Variants in NFYB observed in about 807,000 individuals in gnomAD.
The protein encoded by NFYB is CAAT box DNA-binding protein subunit B.
A neutral mutation model predicts 28.0 loss-of-function variants in NFYB; 13 were observed. That is an observed-to-expected ratio of 0.46 (90% confidence interval 0.30 to 0.74). The LOEUF (loss-of-function observed/expected upper bound fraction) is 0.74, where lower values mean the gene tolerates loss of function less well. Ranked by LOEUF, NFYB falls within the 30% of genes least tolerant of loss-of-function variation. The pLI is 0.07. For synonymous variants in NFYB, 74 were observed against 75.0 expected (o/e 0.99, Z 0.07); for missense variants, 142 against 247.6 (o/e 0.57, Z 2.86).
At chr12:104,126,989 C>A (rs967378664) in intron 3 of NFYB, among the ~76,000 whole-genome samples, 1 of 152,128 alleles carries the variant, frequency 6.6e-6, no homozygotes, top group Non-Finnish European at 1.5e-5. Flanking sequence ...GAGCAGTGAT[C>A]CAACTGTTCA....
intron 2 of NFYB, among the ~76,000 whole-genome samples, chr12:104,132,535 T>C (rs1269558064): frequency 6.6e-6 from 1 of 152,142 alleles, no homozygotes; most frequent in East Asian, 1.9e-4. Flanking sequence ...ATAATGATCA[T>C]TTTAGCATCA....
chr12:104,128,220 G>A (rs1053621418), intron 3 of NFYB, among the ~76,000 whole-genome samples: 3 of 152,158 alleles, frequency 2.0e-5, no homozygotes, highest in African/African-American at 7.2e-5. Context: ...TATAGTAAAA[G>A]TCTTTTCAAG....
chr12:104,136,443 A>C (rs1415965193), intron 1 of NFYB, among the ~76,000 whole-genome samples: 3 of 152,232 alleles, frequency 2.0e-5, no homozygotes, highest in Non-Finnish European at 4.4e-5. Context: ...AAAAAGGTCC[A>C]GGTAGCAAAA....
chr12:104,131,389 AC>A (rs2030917283), intron 2 of NFYB: 3 of 191,762 alleles, frequency 1.6e-5, no homozygotes, highest in Non-Finnish European at 3.3e-5. Context: ...CTATCATTTC[AC>A]GCCTTCTGTC....
At chr12:104,135,376 T>G (rs1267817827) in intron 2 of NFYB, 72 bp downstream of exon 2, 4 of 1,380,742 alleles carry the variant, frequency 2.9e-6, no homozygotes, top group Non-Finnish European at 4.0e-6. Flanking sequence ...CAGTATAAAT[T>G]GGTTACAATT....
Position 104,126,134 on chromosome 12 carries a change from C to T in NFYB, c.211G>A (p.Ala71Thr), listed in dbSNP as rs1335931519. Residue 71 changes from alanine to threonine, a missense_variant, in exon 4 of 8, where the codon GCC (alanine) becomes ACC (threonine). Ala to Thr is a moderately conservative substitution (Grantham distance 58, BLOSUM62 0). This residue lies in a region of NFYB where 88 missense variants were observed against 189.5 expected (regional missense o/e 0.46). Coordinates refer to ENST00000240055, the MANE Select transcript of NFYB (RefSeq NM_006166.4). ...IANVARIMKNAIPQTGKIAKD... is the reference protein window; with the variant it reads ...IANVARIMKNTIPQTGKIAKD... Reference sequence around the variant, plus strand: ...GTTACCTTTCCCGTTTGAGGTATGGCATTTTTCATTATCCTAGCCACGTTT... The same window carrying T: ...GTTACCTTTCCCGTTTGAGGTATGGTATTTTTCATTATCCTAGCCACGTTT... 1.3e-6 allele frequency: 2 copies of T among 1,585,986 alleles called. No homozygotes were observed. The highest frequency in any genetic ancestry group is 1.7e-6 in the Non-Finnish European group (2 of 1,170,950).
chr12:104,134,919 T>C (rs1249799354), intron 2 of NFYB, among the ~76,000 whole-genome samples: 1 of 150,768 alleles, frequency 6.6e-6, no homozygotes, highest in Non-Finnish European at 1.5e-5. Context: ...TTTCCTACAT[T>C]ATCCTTTGAG....
chr12:104,137,028 C>A (rs7979713), intron 1 of NFYB, among the ~76,000 whole-genome samples: 8,373 of 152,200 alleles, frequency 0.055, 264 homozygotes, highest in South Asian at 0.11. Context: ...TACAAATAAA[C>A]CCCCCACTGA....
Position 104,123,442 on chromosome 12 carries a change from G to C in NFYB, c.232-19C>G. 6.2e-7 allele frequency: 1 copy of C among 1,606,608 alleles called. No individual in the cohort carries two copies. Among genetic ancestry groups the C allele is most frequent in the Admixed American group, 1.7e-5 (1 of 59,724 alleles). ...TTGCAATCTGAAGAGAAAATCATAG[G>C]TAAATTACAGAAACTATAACCATCA... On this transcript the variant is annotated intron_variant, in intron 4 of 7. Transcript: ENST00000240055.
chr12:104,128,405 C>T lies in NFYB; in HGVS notation c.100+19G>A. 6.4e-7 allele frequency: 1 copy of T among 1,573,388 alleles called. No individual in the cohort carries two copies. Among genetic ancestry groups the T allele is most frequent in the Non-Finnish European group, 8.7e-7 (1 of 1,150,504 alleles). ...CTTGCTTCAACTTGAGAATTTGGTT[C>T]TAATTGTGGCTTGCTTACCATCATG... is the stretch of plus-strand genomic sequence containing the variant. On this transcript the variant is annotated intron_variant, in intron 3 of 7. Coordinates refer to ENST00000240055, the MANE Select transcript of NFYB (RefSeq NM_006166.4).
In NFYB at chr12:104,118,479, T is replaced by C. The variant is rs1311374236; in HGVS notation, c.*1258A>G. 2 of 152,608 alleles carry C rather than the reference T, an allele frequency of 1.3e-5. No homozygotes were observed. Among genetic ancestry groups the C allele is most frequent in the African/African-American group, 4.8e-5 (2 of 41,452 alleles). 9.5% of individuals were successfully genotyped at this position (152,608 alleles called of 1,614,324 possible). A position where few individuals can be genotyped will look rare whatever the true frequency, so the allele number is the denominator to read the frequency against. ...ATTTGAGTGTCCTTCAAAGATGATA[T>C]TCACTCCAACTTCCTTTTAGGCAAA... On this transcript the variant is annotated 3_prime_UTR_variant, in exon 8 of 8. Coordinates refer to ENST00000240055, the MANE Select transcript of NFYB (RefSeq NM_006166.4).
chr12:104,134,429 G>A (rs2031031569), intron 2 of NFYB, among the ~76,000 whole-genome samples: 1 of 152,088 alleles, frequency 6.6e-6, no homozygotes, highest in South Asian at 2.1e-4. Flanking sequence ...ACTCTGCCCA[G>A]CCAAATATAC....
In NFYB at chr12:104,135,550, A is replaced by G. The variant is rs2031070508; in HGVS notation, c.-79-18T>C. 1.9e-6 allele frequency: 2 copies of G among 1,059,604 alleles called. No homozygotes were observed. The highest frequency in any genetic ancestry group is 1.6e-5 in the African/African-American group (1 of 61,540). 65.6% of individuals were successfully genotyped at this position (1,059,604 alleles called of 1,614,324 possible). The stretch of plus-strand genomic sequence containing the variant: ...ATTTCAACCTAAAAGATAAACATCT[A>G]TTAGGACCTAACATCTATCAATAGT... On this transcript the variant is annotated intron_variant, in intron 1 of 7. Coordinates refer to ENST00000240055, the MANE Select transcript of NFYB (RefSeq NM_006166.4).
At chr12:104,129,429 G>T (rs1421780674) in intron 2 of NFYB, among the ~76,000 whole-genome samples, 2 of 152,144 alleles carry the variant, frequency 1.3e-5, no homozygotes, top group African/African-American at 4.8e-5. Context: ...TCTCATAGAA[G>T]TTCCAAAATA....
chr12:104,123,821 C>T (rs1333502881), intron 4 of NFYB, among the ~76,000 whole-genome samples: 1 of 152,034 alleles, frequency 6.6e-6, no homozygotes, highest in Non-Finnish European at 1.5e-5. Context: ...ATTAGCTGGG[C>T]GTGGTGGCAG....
chr12:104,119,889 TG>T, intron 7 of NFYB, 120 bp from the exon 8 acceptor site: 1 of 646,742 alleles, frequency 1.5e-6, no homozygotes, highest in Non-Finnish European at 2.7e-6. Context: ...CCATTTCTTG[TG>T]TATCTTTCTA....
At position 104,120,466 on chromosome 12, in the gene NFYB, T is replaced by A; in HGVS notation, c.525A>T (p.Pro175=). Residue 175 remains proline (P), a synonymous_variant, in exon 7 of 8, where the codon CCA becomes CCT. Transcript: ENST00000240055. Reference sequence around the variant, plus strand: ...GACCGTCTGTGGTTATTAAGCCAGCTGGTAACTGGTTAGCTAAAAGAAAAA... The same window carrying A: ...GACCGTCTGTGGTTATTAAGCCAGCAGGTAACTGGTTAGCTAAAAGAAAAA... The part of the protein sequence containing the change: ...LTEEAFTNQL[P]AGLITTDGQQ... 6.2e-7 allele frequency: 1 copy of A among 1,613,810 alleles called. No homozygotes were observed. Among genetic ancestry groups the A allele is most frequent in the East Asian group, 2.2e-5 (1 of 44,864 alleles).
chr12:104,119,500 C>T lies in NFYB; in HGVS notation c.*237G>A, dbSNP rs1162119248. Reference sequence around the variant, plus strand: ...GGAGTCATACAGAGCAACAAACTCTCGTACAAAACAAAAATATTTTAATAC... The same window carrying T: ...GGAGTCATACAGAGCAACAAACTCTTGTACAAAACAAAAATATTTTAATAC... On this transcript the variant is annotated 3_prime_UTR_variant, in exon 8 of 8. Transcript: ENST00000240055. 13 of 408,688 alleles carry T rather than the reference C, an allele frequency of 3.2e-5. No homozygotes were observed. Among genetic ancestry groups the T allele is most frequent in the South Asian group, 5.0e-5 (1 of 20,010 alleles). The allele number at this position is 408,688 out of a possible 1,614,324, so 25.3% of individuals were successfully genotyped here.
At chr12:104,131,020 G>A (rs963539734) in intron 2 of NFYB, 1 of 152,152 alleles carries the variant, frequency 6.6e-6, no homozygotes, top group African/African-American at 2.4e-5. Context: ...CTATGAGCAA[G>A]ACACTGTTCA....
Sources: allele counts gnomAD v4.1 joint callset (sites outside exome capture counted in the v4.1 genomes callset), GRCh38; gene constraint gnomAD v4.1.1; regional missense constraint gnomAD v4.1.1; transcripts MANE v1.5; gene names NCBI Gene and HGNC (gene_info 2026-07-23, HGNC 2026-07-21).